TBL1Y: variants seen among roughly 807,000 people sequenced by gnomAD.
TBL1Y encodes F-box-like/WD repeat-containing protein TBL1Y.
A neutral mutation model predicts 12.0 loss-of-function variants in TBL1Y; 15 were observed. The ratio of observed to expected loss-of-function variants is 1.25; its 90% CI spans 0.83 to 1.92. The LOEUF (loss-of-function observed/expected upper bound fraction) is 1.92. Among genes scored for constraint, TBL1Y ranks in the 40% most tolerant of loss-of-function variants. The probability of loss-of-function intolerance (pLI) is 0.00; values close to 1 mark genes in which losing one functional copy is unlikely to be tolerated. For missense variants in TBL1Y, 148 were observed against 116.7 expected, an observed-to-expected ratio of 1.27 and a Z score of -1.24; for synonymous variants, 53 against 42.6, an observed-to-expected ratio of 1.24 and a Z score of -0.95.
At chrY:7,071,655 G>A in intron 11 of TBL1Y, 32 bp downstream of exon 11, 2 of 389,185 alleles carry the variant, frequency 5.1e-6, no homozygotes, top group East Asian at 1.9e-4. Flanking sequence ...CATGGGTCAG[G>A]TAAGAGGAGC....
At chrY:7,038,033 A>G (rs17316227) in intron 6 of TBL1Y, among the ~76,000 whole-genome samples, 2,010 of 33,987 alleles carry the variant, frequency 0.059, no homozygotes, top group South Asian at 0.31. Context: ...ATAGTGGTTC[A>G]CTGTACAACT....
intron 3 of TBL1Y, among the ~76,000 whole-genome samples, chrY:6,987,779 G>A: frequency 1.5e-4 from 5 of 33,051 alleles, no homozygotes; most frequent in Admixed American, 5.6e-4. Flanking sequence ...TACCCAGGTC[G>A]ATTTCTCCAT....
At chrY:6,986,749 T>C in intron 3 of TBL1Y, among the ~76,000 whole-genome samples, 1 of 31,446 alleles carries the variant, frequency 3.2e-5, no homozygotes, top group South Asian at 7.9e-4. Context: ...TGGAGCTCTT[T>C]GAATTAAGAG....
intron 7 of TBL1Y, among the ~76,000 whole-genome samples, chrY:7,061,497 TTCTG>T (rs2012866016): frequency 6.1e-5 from 2 of 32,559 alleles, no homozygotes; most frequent in Admixed American, 2.8e-4. Context: ...GTCTCTCTCT[TTCTG>T]TCTGTTTGAC....
At chrY:6,938,089 T>G in intron 2 of TBL1Y, among the ~76,000 whole-genome samples, 1 of 33,635 alleles carries the variant, frequency 3.0e-5, no homozygotes, top group Admixed American at 2.7e-4. Context: ...TTTTTTGAAT[T>G]TATCAACCTG....
In TBL1Y at chrY:6,981,511, A is replaced by G. The variant is rs771953618; in HGVS notation, c.-235+3268A>G. On this transcript the variant is annotated intron_variant, in intron 3 of 18. Transcript: ENST00000383032. ...GATATCAGTAAAAATTAACTTTCAC[A>G]TGGAAATTCTTAGAAAACTAATAAA... Among the ~76,000 whole-genome samples, 14 of 33,568 alleles carry G rather than the reference A, an allele frequency of 4.2e-4. No homozygotes were observed. The South Asian group carries it at 9.3e-3, about 22-fold the overall frequency. The allele number at this position is 33,568 out of a possible 37,273, so 90.1% of individuals were successfully genotyped here. A position where few individuals can be genotyped will look rare whatever the true frequency, so the allele number is the denominator to read the frequency against.
intron 2 of TBL1Y, chrY:6,919,641 C>T: frequency 6.0e-5 from 2 of 33,492 alleles, no homozygotes; most frequent in South Asian, 1.4e-3. Context: ...TCCCTCCGGT[C>T]GAAACACTCT....
intron 4 of TBL1Y, among the ~76,000 whole-genome samples, chrY:7,004,294 C>T: frequency 3.0e-5 from 1 of 33,428 alleles, no homozygotes; most frequent in Non-Finnish European, 7.4e-5. Context: ...GAACTGAGTC[C>T]TGTACATTTT....
chrY:6,946,129 T>G (rs2011983624), intron 2 of TBL1Y, among the ~76,000 whole-genome samples: 1 of 33,574 alleles, frequency 3.0e-5, no homozygotes, highest in Non-Finnish European at 7.4e-5. Flanking sequence ...AGACTTTCCC[T>G]GGAGTGTCCA....
intron 7 of TBL1Y, among the ~76,000 whole-genome samples, 162 bp from the exon 8 acceptor site, chrY:7,063,735 T>C: frequency 6.0e-5 from 2 of 33,357 alleles, no homozygotes; most frequent in Non-Finnish European, 1.5e-4. Context: ...TTAGAACTCA[T>C]ATCTAACAGG....
chrY:7,034,365 G>A, intron 6 of TBL1Y, among the ~76,000 whole-genome samples: 1 of 33,246 alleles, frequency 3.0e-5, no homozygotes, highest in Non-Finnish European at 7.4e-5. Flanking sequence ...CCATGCTCAG[G>A]GATAGGAATA....
At chrY:6,962,711 A>G in intron 2 of TBL1Y, among the ~76,000 whole-genome samples, 1 of 33,678 alleles carries the variant, frequency 3.0e-5, no homozygotes, top group Non-Finnish European at 7.3e-5. Flanking sequence ...CAAGTAGTCA[A>G]TTTTAAAAAC....
chrY:7,065,384 C>A (rs2012974270), intron 8 of TBL1Y, among the ~76,000 whole-genome samples: 1 of 33,790 alleles, frequency 3.0e-5, no homozygotes, highest in Non-Finnish European at 7.3e-5. Flanking sequence ...ACTGTGAGGA[C>A]TCCCCAGCCA....
At chrY:7,063,619 C>T (rs2012916800) in intron 7 of TBL1Y, among the ~76,000 whole-genome samples, 1 of 32,574 alleles carries the variant, frequency 3.1e-5, no homozygotes, top group East Asian at 8.1e-4. Context: ...TGGAATGAGT[C>T]AGGGTAGAGT....
chrY:6,967,629 C>G, intron 2 of TBL1Y, among the ~76,000 whole-genome samples: 1 of 34,007 alleles, frequency 2.9e-5, no homozygotes, highest in East Asian at 7.9e-4. Flanking sequence ...AAGTTATCCG[C>G]CCACCTTGGC....
intron 8 of TBL1Y, among the ~76,000 whole-genome samples, chrY:7,064,782 G>C (rs2012963166): frequency 2.4e-4 from 8 of 33,330 alleles, no homozygotes; most frequent in South Asian, 2.1e-3. Flanking sequence ...GTGGGTGGGA[G>C]GGTGTGTATA....
At chrY:7,015,130 C>T in intron 4 of TBL1Y, among the ~76,000 whole-genome samples, 2 of 33,779 alleles carry the variant, frequency 5.9e-5, no homozygotes, top group African/African-American at 1.2e-4. Context: ...CATTAGAGAA[C>T]GCAGAGTCTT....
intron 13 of TBL1Y, among the ~76,000 whole-genome samples, chrY:7,080,320 C>T: frequency 6.1e-5 from 2 of 32,837 alleles, no homozygotes; most frequent in Admixed American, 5.5e-4. Flanking sequence ...GAACCTCCCA[C>T]TTCGGCCTTC....
At chrY:7,089,136 T>C in intron 17 of TBL1Y, among the ~76,000 whole-genome samples, 1 of 33,588 alleles carries the variant, frequency 3.0e-5, no homozygotes, top group Non-Finnish European at 7.4e-5. Context: ...TTTGACTCTT[T>C]CAAAGCCCTC....
Sources: allele counts gnomAD v4.1 joint callset (sites outside exome capture counted in the v4.1 genomes callset), GRCh38; gene constraint gnomAD v4.1.1; transcripts MANE v1.5; gene names NCBI Gene and HGNC (gene_info 2026-07-23, HGNC 2026-07-21).